MAGI3: variants seen among roughly 807,000 people sequenced by gnomAD.
The protein encoded by MAGI3 is membrane-associated guanylate kinase, WW and PDZ domain-containing protein 3.
A neutral mutation model predicts 121.8 loss-of-function variants in MAGI3; 43 were observed. The observed-to-expected ratio is 0.35, with a 90% confidence interval of 0.28 to 0.46. MAGI3 has a LOEUF of 0.46. Among genes scored for constraint, MAGI3 ranks in the 20% least tolerant of loss-of-function variants. The probability of loss-of-function intolerance (pLI) is 1.00; values close to 1 mark genes in which losing one functional copy is unlikely to be tolerated. For synonymous variants in MAGI3, 553 were observed against 639.3 expected, an observed-to-expected ratio of 0.86 and a Z score of 2.04; for missense variants, 1,547 against 1,797.3, an observed-to-expected ratio of 0.86 and a Z score of 2.52.
rs138703157 is a variant in MAGI3 at position 113,575,382 on chromosome 1, G to A, written c.434-5160G>A. Among the ~76,000 whole-genome samples, 832 of 152,098 alleles carry A rather than the reference G, an allele frequency of 5.5e-3. 4 individuals carry two copies. Among genetic ancestry groups the A allele is most frequent in the African/African-American group, 0.019 (778 of 41,544 alleles). On this transcript the variant is annotated intron_variant, in intron 2 of 20. Transcript: ENST00000307546. Reference sequence around the variant, plus strand: ...CTTTGGATGGGGTTTTTGGGTGAGCGTCCTTTTGGTTAATGTTCATGTTAT... The same window carrying A: ...CTTTGGATGGGGTTTTTGGGTGAGCATCCTTTTGGTTAATGTTCATGTTAT...
At chr1:113,477,363 A>G (rs373931745) in intron 1 of MAGI3, among the ~76,000 whole-genome samples, 123 of 152,194 alleles carry the variant, frequency 8.1e-4, no homozygotes, top group East Asian at 3.1e-3. Flanking sequence ...AGTGGCTGGT[A>G]GTGGTTGTTT....
At chr1:113,473,885 A>G (rs1655670661) in intron 1 of MAGI3, among the ~76,000 whole-genome samples, 1 of 152,200 alleles carries the variant, frequency 6.6e-6, no homozygotes, top group African/African-American at 2.4e-5. Context: ...TCCCACTTAC[A>G]GTATAAAAGC....
chr1:113,583,589 CTTG>C (rs1648175881), intron 3 of MAGI3, among the ~76,000 whole-genome samples: 1 of 151,980 alleles, frequency 6.6e-6, no homozygotes, highest in Non-Finnish European at 1.5e-5. Context: ...ATCCAGTTTC[CTTG>C]ATACTGTGAT....
At chr1:113,408,710 T>A (rs1448863867) in intron 1 of MAGI3, among the ~76,000 whole-genome samples, 3 of 152,064 alleles carry the variant, frequency 2.0e-5, no homozygotes, top group African/African-American at 7.2e-5. Flanking sequence ...TTCTCTGTTC[T>A]AAAATTTAAT....
chr1:113,511,078 G>T (rs1428676948), intron 1 of MAGI3, among the ~76,000 whole-genome samples: 1 of 152,184 alleles, frequency 6.6e-6, no homozygotes, highest in South Asian at 2.1e-4. Flanking sequence ...GACTTGACAT[G>T]TGGTAGGTGA....
chr1:113,557,237 C>T (rs959528873), intron 2 of MAGI3, among the ~76,000 whole-genome samples: 1 of 152,176 alleles, frequency 6.6e-6, no homozygotes, highest in African/African-American at 2.4e-5. Context: ...TGGGCAGGGA[C>T]TCCCAGTTGG....
intron 1 of MAGI3, among the ~76,000 whole-genome samples, chr1:113,533,231 T>C (rs972813153): frequency 1.3e-5 from 2 of 152,218 alleles, no homozygotes; most frequent in African/African-American, 4.8e-5. Context: ...GTGGTACATA[T>C]ACACCATGGA....
chr1:113,659,064 G>T lies in MAGI3; in HGVS notation c.2630-16G>T, dbSNP rs373376535. ...ATCTTAAATAATTGAAAAACCTGGG[G>T]TTTTTTTTCCCATAGTTATTCCTCA... On this transcript the variant is annotated splice_polypyrimidine_tract_variant and intron_variant, in intron 15 of 20. Coordinates refer to ENST00000307546, the MANE Select transcript of MAGI3 (RefSeq NM_001142782.2). 8.1e-5 allele frequency: 126 copies of T among 1,564,434 alleles called. No individual in the cohort carries two copies. The highest frequency in any genetic ancestry group is 9.4e-5 in the South Asian group (8 of 84,834).
chr1:113,475,221 C>T (rs1655753149), intron 1 of MAGI3, among the ~76,000 whole-genome samples: 1 of 152,078 alleles, frequency 6.6e-6, no homozygotes, highest in Non-Finnish European at 1.5e-5. Flanking sequence ...GAACCGAATA[C>T]CCTTTATTTC....
intron 14 of MAGI3, among the ~76,000 whole-genome samples, chr1:113,651,799 TTTTG>T (rs1653184773): frequency 6.6e-6 from 1 of 152,178 alleles, no homozygotes; most frequent in South Asian, 2.1e-4. Flanking sequence ...CCTAAATTTG[TTTTG>T]TTTTTTTTTA....
At chr1:113,503,559 A>C (rs903626618) in intron 1 of MAGI3, among the ~76,000 whole-genome samples, 6 of 152,070 alleles carry the variant, frequency 3.9e-5, no homozygotes, top group Non-Finnish European at 8.8e-5. Flanking sequence ...ATATGCACAT[A>C]CATTATACAA....
chr1:113,399,931 A>G (rs1018392931), intron 1 of MAGI3, among the ~76,000 whole-genome samples: 2 of 152,128 alleles, frequency 1.3e-5, no homozygotes, highest in Non-Finnish European at 2.9e-5. Context: ...AAATTGAGAC[A>G]ATGTCATTAT....
intron 1 of MAGI3, among the ~76,000 whole-genome samples, chr1:113,530,373 T>C (rs1378480492): frequency 1.3e-5 from 2 of 150,200 alleles, no homozygotes; most frequent in Non-Finnish European, 1.5e-5. Context: ...CCGAATGTTG[T>C]ATGTTCTCCT....
intron 1 of MAGI3, among the ~76,000 whole-genome samples, chr1:113,503,067 G>A (rs1185184714): frequency 1.7e-3 from 116 of 69,772 alleles, no homozygotes; most frequent in Non-Finnish European, 2.4e-3. Flanking sequence ...GGGGACTGTG[G>A]TGGGGTCGGG....
chr1:113,429,036 T>C (rs1487500388), intron 1 of MAGI3, among the ~76,000 whole-genome samples: 1 of 152,254 alleles, frequency 6.6e-6, no homozygotes, highest in African/African-American at 2.4e-5. Context: ...TATTCTATTG[T>C]CAGTCTTTAC....
intron 1 of MAGI3, among the ~76,000 whole-genome samples, chr1:113,494,442 C>A (rs1204688117): frequency 6.6e-6 from 1 of 152,132 alleles, no homozygotes; most frequent in Admixed American, 6.5e-5. Context: ...ATCTGTACAA[C>A]AAACCCCTAT....
At chr1:113,436,300 C>G (rs769514343) in intron 1 of MAGI3, among the ~76,000 whole-genome samples, 1 of 152,032 alleles carries the variant, frequency 6.6e-6, no homozygotes, top group African/African-American at 2.4e-5. Context: ...TGCCTTCTCT[C>G]TCTCTCTATA....
intron 16 of MAGI3, among the ~76,000 whole-genome samples, chr1:113,666,974 AGTAG>A (rs1420664956): frequency 6.6e-6 from 1 of 152,208 alleles, no homozygotes; most frequent in African/African-American, 2.4e-5. Context: ...TTTTCTGAGC[AGTAG>A]GTCTCAACAG....
chr1:113,633,225 A>T (rs1380090977), intron 9 of MAGI3, among the ~76,000 whole-genome samples: 1 of 138,526 alleles, frequency 7.2e-6, no homozygotes, highest in Admixed American at 7.6e-5. Context: ...CCTACAAAGG[A>T]CATGAACTCA....
Sources: gnomAD v4.1 joint callset for allele counts (sites outside exome capture counted in the v4.1 genomes callset) on GRCh38, gnomAD v4.1.1 for gene constraint, MANE v1.5 for transcripts, NCBI Gene and HGNC (gene_info 2026-07-23, HGNC 2026-07-21) for gene names.